INPP4B: variants seen among roughly 807,000 people sequenced by gnomAD.
INPP4B encodes inositol polyphosphate 4-phosphatase type II.
Under a neutral mutation model 122.5 loss-of-function variants are expected in INPP4B, and 55 were observed. That is an observed-to-expected ratio of 0.45 (90% confidence interval 0.36 to 0.56). INPP4B has a LOEUF of 0.56. Ranked by LOEUF, INPP4B falls within the 20% of genes least tolerant of loss-of-function variation. INPP4B has a pLI of 0.00. For synonymous variants in INPP4B, 403 were observed against 388.7 expected, an observed-to-expected ratio of 1.04 and a Z score of -0.43; for missense variants, 1,000 against 1,097.7, an observed-to-expected ratio of 0.91 and a Z score of 1.26.
intron 8 of INPP4B, among the ~76,000 whole-genome samples, chr4:142,307,269 T>A (rs919588955): frequency 6.6e-6 from 1 of 152,104 alleles, no homozygotes; most frequent in Non-Finnish European, 1.5e-5. Context: ...CTCTAAGACA[T>A]CCCTATACGA....
intron 3 of INPP4B, among the ~76,000 whole-genome samples, chr4:142,461,581 A>T (rs1276846137): frequency 6.6e-6 from 1 of 152,152 alleles, no homozygotes; most frequent in African/African-American, 2.4e-5. Flanking sequence ...AAGCAATCAG[A>T]TTTTTTCTGG....
chr4:142,125,850 T>G (rs768226018), intron 18 of INPP4B, among the ~76,000 whole-genome samples: 1 of 152,130 alleles, frequency 6.6e-6, no homozygotes, highest in Non-Finnish European at 1.5e-5. Flanking sequence ...GCATAGTGCC[T>G]AGCATATAGT....
intron 7 of INPP4B, among the ~76,000 whole-genome samples, chr4:142,369,594 AT>A (rs1788993193): frequency 1.4e-5 from 2 of 145,226 alleles, no homozygotes; most frequent in African/African-American, 5.3e-5. Context: ...AAAAAAATAA[AT>A]AAATAAATAA....
intron 2 of INPP4B, among the ~76,000 whole-genome samples, chr4:142,619,052 C>G (rs907132381): frequency 2.0e-5 from 3 of 151,834 alleles, no homozygotes; most frequent in Non-Finnish European, 4.4e-5. Flanking sequence ...CACCTTACAC[C>G]TCTTAAGATG....
intron 1 of INPP4B, among the ~76,000 whole-genome samples, chr4:142,768,358 C>T (rs1438646680): frequency 6.6e-6 from 1 of 152,190 alleles, no homozygotes. Context: ...AAGCACTAGA[C>T]ATCAAGATAA....
intron 14 of INPP4B, among the ~76,000 whole-genome samples, chr4:142,198,168 G>A (rs1321065246): frequency 5.9e-5 from 9 of 151,904 alleles, no homozygotes; most frequent in African/African-American, 1.2e-4. Flanking sequence ...TAAACTGACC[G>A]GACCTATATT....
At chr4:142,498,607 G>A (rs1453624211) in intron 2 of INPP4B, among the ~76,000 whole-genome samples, 1 of 151,812 alleles carries the variant, frequency 6.6e-6, no homozygotes, top group African/African-American at 2.4e-5. Flanking sequence ...TAAGCAACAT[G>A]GCAAAACCCC....
intron 2 of INPP4B, among the ~76,000 whole-genome samples, chr4:142,497,356 C>T (rs899961472): frequency 6.6e-6 from 1 of 152,112 alleles, no homozygotes; most frequent in Admixed American, 6.6e-5. Context: ...TTCATTAAAA[C>T]CAATTTTTAG....
chr4:142,660,592 AG>A (rs2150582503), intron 2 of INPP4B, among the ~76,000 whole-genome samples: 1 of 152,232 alleles, frequency 6.6e-6, no homozygotes, highest in East Asian at 1.9e-4. Flanking sequence ...GACTGGGCCC[AG>A]GGGAAGGAAA....
chr4:142,807,721 A>G (rs370488460), intron 1 of INPP4B, among the ~76,000 whole-genome samples: 43 of 152,288 alleles, frequency 2.8e-4, no homozygotes, highest in African/African-American at 9.9e-4. Context: ...AATTACACAC[A>G]GTGACTTTCA....
chr4:142,679,551 T>G (rs375176627), intron 2 of INPP4B, among the ~76,000 whole-genome samples: 5 of 151,858 alleles, frequency 3.3e-5, no homozygotes, highest in African/African-American at 1.2e-4. Flanking sequence ...CATTCCAATA[T>G]AGTTGTTGTG....
At chr4:142,354,431 C>T (rs569248762) in intron 7 of INPP4B, among the ~76,000 whole-genome samples, 1 of 151,936 alleles carries the variant, frequency 6.6e-6, no homozygotes, top group African/African-American at 2.4e-5. Flanking sequence ...ATTCTTGTGT[C>T]CCCCACAGAC....
chr4:142,557,075 G>A (rs1729364758), intron 2 of INPP4B, among the ~76,000 whole-genome samples: 1 of 152,098 alleles, frequency 6.6e-6, no homozygotes, highest in Admixed American at 6.5e-5. Context: ...CTGCACCTAA[G>A]AGATGCTTTC....
intron 12 of INPP4B, 66 bp downstream of exon 12, chr4:142,237,798 G>T: frequency 2.2e-6 from 2 of 905,774 alleles, no homozygotes; most frequent in Non-Finnish European, 3.2e-6. Flanking sequence ...TATATAATTT[G>T]TCAATTAAAA....
intron 3 of INPP4B, among the ~76,000 whole-genome samples, chr4:142,441,908 G>A (rs1811811394): frequency 6.7e-6 from 1 of 150,336 alleles, no homozygotes; most frequent in African/African-American, 2.5e-5. Context: ...AAATAGAATT[G>A]AACATTAAGG....
intron 2 of INPP4B, among the ~76,000 whole-genome samples, chr4:142,506,319 T>C (rs1388813433): frequency 1.3e-5 from 2 of 152,076 alleles, no homozygotes; most frequent in African/African-American, 4.8e-5. Flanking sequence ...CCCAGACCTG[T>C]TGAGATAAAT....
At chr4:142,669,000 G>C (rs1434416570) in intron 2 of INPP4B, among the ~76,000 whole-genome samples, 2 of 152,114 alleles carry the variant, frequency 1.3e-5, no homozygotes, top group Non-Finnish European at 2.9e-5. Flanking sequence ...AGCTTGCAAT[G>C]AGCGGAGATT....
intron 7 of INPP4B, among the ~76,000 whole-genome samples, chr4:142,384,743 T>C (rs1442178442): frequency 6.6e-6 from 1 of 152,150 alleles, no homozygotes; most frequent in Non-Finnish European, 1.5e-5. Context: ...GTTAAACTCG[T>C]GTCATGGGGG....
chr4:142,561,262 A>C (rs1730405526), intron 2 of INPP4B, among the ~76,000 whole-genome samples: 1 of 152,242 alleles, frequency 6.6e-6, no homozygotes, highest in Non-Finnish European at 1.5e-5. Context: ...ATAAAATATA[A>C]TACTGTTTTA....
Sources: gnomAD v4.1 joint callset for allele counts (sites outside exome capture counted in the v4.1 genomes callset) on GRCh38, gnomAD v4.1.1 for gene constraint, MANE v1.5 for transcripts, NCBI Gene and HGNC (gene_info 2026-07-23, HGNC 2026-07-21) for gene names.